Variants in RBM33 observed in about 807,000 individuals in gnomAD.
RBM33 encodes the protein RNA binding motif protein 33.
RBM33 carries 28 observed loss-of-function variants against 132.6 expected under a neutral mutation model. The ratio of observed to expected loss-of-function variants is 0.21; its 90% confidence interval spans 0.16 to 0.29. The LOEUF (loss-of-function observed/expected upper bound fraction) is 0.29, where lower values mean the gene tolerates loss of function less well. Among genes scored for constraint, RBM33 ranks in the 10% least tolerant of loss-of-function variants. The pLI is 1.00. For missense variants in RBM33, 1,291 were observed against 1,518.5 expected (o/e 0.85, Z 2.49); for synonymous variants, 634 against 593.0 (o/e 1.07, Z -1.01).
At chr7:155,707,900 T>G (rs904926814) in intron 7 of RBM33, among the ~76,000 whole-genome samples, 1 of 152,212 alleles carries the variant, frequency 6.6e-6, no homozygotes. Flanking sequence ...CCTCAAGTGA[T>G]CCATCTGCCT....
chr7:155,666,210 C>T (rs1014546739), intron 2 of RBM33, among the ~76,000 whole-genome samples: 7 of 152,130 alleles, frequency 4.6e-5, no homozygotes, highest in Non-Finnish European at 1.0e-4. Flanking sequence ...CCAGTCTGAG[C>T]CCAGTGTTCT....
chr7:155,723,912 G>A (rs1408586425), intron 9 of RBM33, among the ~76,000 whole-genome samples: 4 of 152,250 alleles, frequency 2.6e-5, no homozygotes, highest in African/African-American at 4.8e-5. Context: ...GCTGTTTTTC[G>A]TTTATTGGCT....
intron 14 of RBM33, among the ~76,000 whole-genome samples, chr7:155,755,093 A>G (rs1383208588): frequency 2.6e-5 from 4 of 152,226 alleles, no homozygotes; most frequent in African/African-American, 7.2e-5. Context: ...TTCGTACAGC[A>G]TGCATATCAT....
chr7:155,744,096 G>C (rs535831742), intron 13 of RBM33, among the ~76,000 whole-genome samples: 7 of 152,300 alleles, frequency 4.6e-5, no homozygotes, highest in African/African-American at 1.7e-4. Flanking sequence ...CCTCAGCTGT[G>C]CTTTTGTCTT....
intron 3 of RBM33, 57 bp from the exon 4 acceptor site, chr7:155,678,551 T>G: frequency 1.7e-6 from 2 of 1,158,836 alleles, no homozygotes; most frequent in Non-Finnish European, 2.5e-6. Flanking sequence ...TTTGTGCTTT[T>G]TAACAAGTCT....
chr7:155,710,885 G>C (rs1393591334), intron 7 of RBM33, among the ~76,000 whole-genome samples: 1 of 151,174 alleles, frequency 6.6e-6, no homozygotes. Context: ...GCTCAGTGTG[G>C]GCAGTTCAAT....
intron 8 of RBM33, among the ~76,000 whole-genome samples, chr7:155,713,529 A>C (rs1800367578): frequency 6.6e-6 from 1 of 151,968 alleles, no homozygotes; most frequent in Non-Finnish European, 1.5e-5. Flanking sequence ...GGGAGGAAGG[A>C]GGATGACGGT....
chr7:155,699,569 A>T (rs1799899457), intron 5 of RBM33, among the ~76,000 whole-genome samples: 1 of 152,178 alleles, frequency 6.6e-6, no homozygotes, highest in African/African-American at 2.4e-5. Flanking sequence ...GTACTTTAAA[A>T]TTCTACGGTA....
At chr7:155,749,411 G>A (rs1245922789) in intron 14 of RBM33, among the ~76,000 whole-genome samples, 5 of 152,206 alleles carry the variant, frequency 3.3e-5, no homozygotes, top group Non-Finnish European at 5.9e-5. Context: ...CACCTACTAG[G>A]TGGTAAAGCT....
chr7:155,746,031 C>T (rs1342833791), intron 14 of RBM33, among the ~76,000 whole-genome samples: 3 of 152,190 alleles, frequency 2.0e-5, no homozygotes, highest in African/African-American at 4.8e-5. Context: ...CTCATGGGAC[C>T]GCCTTTGCAG....
intron 1 of RBM33, among the ~76,000 whole-genome samples, chr7:155,660,434 T>C (rs1217334519): frequency 2.6e-5 from 4 of 152,322 alleles, no homozygotes; most frequent in South Asian, 4.1e-4. Context: ...GCATATATTT[T>C]TTGGGGATAC....
chr7:155,664,855 T>C (rs1022852951), intron 1 of RBM33, among the ~76,000 whole-genome samples: 1 of 151,998 alleles, frequency 6.6e-6, no homozygotes, highest in Non-Finnish European at 1.5e-5. Flanking sequence ...TTTTTTTCTT[T>C]CATGCAGTAA....
chr7:155,699,929 A>G (rs1347143650), intron 5 of RBM33, among the ~76,000 whole-genome samples: 3 of 152,218 alleles, frequency 2.0e-5, no homozygotes, highest in African/African-American at 4.8e-5. Flanking sequence ...AAAAGTATCT[A>G]AATTAACCTT....
intron 5 of RBM33, among the ~76,000 whole-genome samples, chr7:155,687,412 C>T (rs1459438772): frequency 6.6e-6 from 1 of 152,158 alleles, no homozygotes; most frequent in Non-Finnish European, 1.5e-5. Context: ...AAAATTTTCT[C>T]CCATTCTGTA....
chr7:155,686,981 T>C (rs1017922824), intron 5 of RBM33, among the ~76,000 whole-genome samples: 4 of 152,252 alleles, frequency 2.6e-5, no homozygotes, highest in African/African-American at 9.6e-5. Flanking sequence ...TTATAATCCT[T>C]TGGGTATATA....
At position 155,777,830 on chromosome 7, in the gene RBM33, A is replaced by G. The variant is rs1802672298; in HGVS notation, c.*2789A>G. On this transcript the variant is annotated 3_prime_UTR_variant, in exon 18 of 18. Coordinates refer to ENST00000401878, the MANE Select transcript of RBM33 (RefSeq NM_053043.3). ...TATAAAGATGGTAGTAAGTCAATACATTTATCCTGATCTGTGTATTATTTG... is the reference window on the plus strand; with the variant it reads ...TATAAAGATGGTAGTAAGTCAATACGTTTATCCTGATCTGTGTATTATTTG... 6.6e-6 allele frequency: 1 copy of G among 152,666 alleles called. No homozygotes were observed. Among genetic ancestry groups the G allele is most frequent in the African/African-American group, 2.4e-5 (1 of 41,450 alleles). 9.5% of individuals were successfully genotyped at this position (152,666 alleles called of 1,614,324 possible).
chr7:155,691,204 T>G (rs144433035), intron 5 of RBM33, among the ~76,000 whole-genome samples: 1 of 152,346 alleles, frequency 6.6e-6, no homozygotes, highest in Non-Finnish European at 1.5e-5. Context: ...TCTTCTGGCT[T>G]CATTTCATTC....
intron 12 of RBM33, among the ~76,000 whole-genome samples, chr7:155,740,300 G>A (rs939062206): frequency 6.6e-6 from 1 of 152,140 alleles, no homozygotes; most frequent in African/African-American, 2.4e-5. Flanking sequence ...TATTTCTATA[G>A]CAATAGACAG....
At chr7:155,735,697 CTCTCTCTCTCTCTCTCTCTCTG>C (rs1456254235) in intron 9 of RBM33, among the ~76,000 whole-genome samples, 1 of 141,734 alleles carries the variant, frequency 7.1e-6, no homozygotes, top group East Asian at 2.0e-4. Context: ...CCCTGTCTCT[CTCTCTCTCTCTCTCTCTCTCTG>C]TCTCTCTCTC....
Sources: gnomAD v4.1 joint callset for allele counts (sites outside exome capture counted in the v4.1 genomes callset) on GRCh38, gnomAD v4.1.1 for gene constraint, MANE v1.5 for transcripts, NCBI Gene and HGNC (gene_info 2026-07-23, HGNC 2026-07-21) for gene names.